ZNF609: variants seen among roughly 807,000 people sequenced by gnomAD.
ZNF609 encodes the protein zinc finger protein 609.
Under a neutral mutation model 109.5 loss-of-function variants are expected in ZNF609, and 11 were observed. The ratio of observed to expected loss-of-function variants is 0.10; its 90% CI spans 0.06 to 0.17. The LOEUF is 0.17. Ranked by LOEUF, ZNF609 falls within the 10% of genes least tolerant of loss-of-function variation. The probability of loss-of-function intolerance (pLI) is 1.00; values close to 1 mark genes in which losing one functional copy is unlikely to be tolerated. For missense variants in ZNF609, 1,559 were observed against 1,772.4 expected (o/e 0.88, Z 2.16); for synonymous variants, 646 against 662.0 (o/e 0.98, Z 0.37).
chr15:64,518,424 A>G (rs932961196), intron 2 of ZNF609, among the ~76,000 whole-genome samples: 2 of 152,246 alleles, frequency 1.3e-5, no homozygotes, highest in African/African-American at 4.8e-5. Flanking sequence ...GAGGAGGAAT[A>G]GAATGGTAAG....
At chr15:64,513,166 A>G (rs775291752) in intron 2 of ZNF609, among the ~76,000 whole-genome samples, 10 of 152,118 alleles carry the variant, frequency 6.6e-5, no homozygotes, top group African/African-American at 2.4e-4. Flanking sequence ...GAGTATCTCA[A>G]ATTCATATAC....
chr15:64,676,222 A>C lies in ZNF609; in HGVS notation c.3368A>C (p.Gln1123Pro), dbSNP rs767462730. The change falls in exon 5 of 10, where the codon CAG (glutamine) becomes CCG (proline). Residue 1123 changes from glutamine to proline, a missense_variant. Around this residue, in one of 4 missense-constraint regions of ZNF609, gnomAD observed 1,204 missense variants for 1,314.1 expected, o/e 0.92. Transcript: ENST00000326648. ...EAKTGAECGRQAEMDPILWYR... is the reference protein window; with the variant it reads ...EAKTGAECGRPAEMDPILWYR... Reference sequence around the variant, plus strand: ...AAGACAGGTGCTGAGTGTGGTCGACAGGCAGAGATGGATCCAATACTCTGG... The same window carrying C: ...AAGACAGGTGCTGAGTGTGGTCGACCGGCAGAGATGGATCCAATACTCTGG... The C allele has an allele frequency of 6.2e-7, 1 of 1,613,414 alleles. No homozygotes were observed. Among genetic ancestry groups the C allele is most frequent in the South Asian group, 1.1e-5 (1 of 91,020 alleles).
At chr15:64,511,342 G>A (rs1014602384) in intron 2 of ZNF609, among the ~76,000 whole-genome samples, 3 of 151,940 alleles carry the variant, frequency 2.0e-5, no homozygotes, top group African/African-American at 7.2e-5. Flanking sequence ...GCATGGTGGC[G>A]TGGTGGAGTG....
chr15:64,508,683 A>C (rs1893670514), intron 2 of ZNF609, among the ~76,000 whole-genome samples: 4 of 149,130 alleles, frequency 2.7e-5, no homozygotes, highest in Admixed American at 2.0e-4. Flanking sequence ...AGACCCAGAA[A>C]ATTTTTTTTT....
At chr15:64,507,193 C>T (rs1893650114) in intron 2 of ZNF609, among the ~76,000 whole-genome samples, 1 of 152,200 alleles carries the variant, frequency 6.6e-6, no homozygotes, top group Admixed American at 6.5e-5. Context: ...TATGCAATCT[C>T]ACGGACACTG....
At chr15:64,568,975 A>C (rs1481652974) in intron 2 of ZNF609, among the ~76,000 whole-genome samples, 2 of 152,082 alleles carry the variant, frequency 1.3e-5, no homozygotes, top group Non-Finnish European at 1.5e-5. Context: ...CACTCTTACT[A>C]CCTCTGTACT....
chr15:64,625,918 T>A (rs1262865038), intron 3 of ZNF609, among the ~76,000 whole-genome samples: 8 of 77,846 alleles, frequency 1.0e-4, no homozygotes, highest in South Asian at 4.7e-4. Context: ...AAAAAAAATA[T>A]ATATATATAT....
At chr15:64,569,244 TTAGA>T (rs1368129288) in intron 2 of ZNF609, among the ~76,000 whole-genome samples, 1 of 152,202 alleles carries the variant, frequency 6.6e-6, no homozygotes, top group Non-Finnish European at 1.5e-5. Context: ...TTTATTCCTC[TTAGA>T]TAGTTTCTTG....
intron 2 of ZNF609, among the ~76,000 whole-genome samples, chr15:64,582,748 TC>T (rs1284486453): frequency 1.9e-5 from 1 of 53,114 alleles, no homozygotes; most frequent in Non-Finnish European, 4.1e-5. Flanking sequence ...TGAGACAGAG[TC>T]TTTTTTTTTT....
chr15:64,575,467 C>G (rs981551498), intron 2 of ZNF609, among the ~76,000 whole-genome samples: 2 of 151,732 alleles, frequency 1.3e-5, no homozygotes, highest in African/African-American at 2.4e-5. Context: ...TATCTATAAT[C>G]AGTAGGATTT....
intron 2 of ZNF609, among the ~76,000 whole-genome samples, chr15:64,511,746 G>A (rs1294626995): frequency 2.1e-5 from 3 of 142,986 alleles, no homozygotes; most frequent in Admixed American, 7.2e-5. Context: ...ACTGAGTCTC[G>A]CTCTGTCGCC....
At chr15:64,627,663 C>CT (rs35293725) in intron 3 of ZNF609, among the ~76,000 whole-genome samples, 4,765 of 85,954 alleles carry the variant, frequency 0.055, 445 homozygotes, top group African/African-American at 0.15. Flanking sequence ...TTTTTTCTTT[C>CT]TTTTTTTTTT....
intron 4 of ZNF609, among the ~76,000 whole-genome samples, chr15:64,671,551 C>T (rs1161833806): frequency 6.6e-6 from 1 of 152,134 alleles, no homozygotes; most frequent in South Asian, 2.1e-4. Context: ...CTAGAACATA[C>T]GGGTTTCACA....
chr15:64,471,390 G>A (rs572446089), intron 1 of ZNF609: 1 of 151,848 alleles, frequency 6.6e-6, no homozygotes, highest in South Asian at 2.1e-4. Flanking sequence ...TATTGGTCTG[G>A]AGTAGAAAAA....
rs1362383705 is a variant in ZNF609, at chr15:64,675,335, G to A, written c.2481G>A (p.Val827=). The A allele has an allele frequency of 1.9e-6, 3 of 1,613,756 alleles. No homozygotes were observed. In the Admixed American group the frequency reaches 5.0e-5, roughly 27 times the overall value. The change falls in exon 5 of 10, where the codon GTG becomes GTA. Residue 827 remains valine, a synonymous_variant. Coordinates refer to ENST00000326648, the MANE Select transcript of ZNF609 (RefSeq NM_015042.2). ...CTCAGCCCCTGACTCCCTTACATGT[G>A]GTGACCCAGAATGGAGCTGAAGCCA... is the stretch of plus-strand genomic sequence containing the variant. ...TPTQPLTPLH[V]VTQNGAEASS...
chr15:64,605,715 A>ATT (rs145790226), intron 2 of ZNF609, among the ~76,000 whole-genome samples: 1 of 147,740 alleles, frequency 6.8e-6, no homozygotes, highest in African/African-American at 2.5e-5. Flanking sequence ...TAGAGCTGAG[A>ATT]TTTTTTTTTC....
chr15:64,680,216 C>G lies in ZNF609; in HGVS notation c.3801C>G (p.Ser1267=), dbSNP rs1296511984. The change falls in exon 7 of 10, where the codon TCC becomes TCG. Residue 1267 remains serine (S), a synonymous_variant. Transcript: ENST00000326648. ...ACCTGCCTTCCAGCTACTCTTTTTC[C>G]CCATATGGCAGCAAGGTCTCAGGTG... ...GSYLPSSYSF[S]PYGSKVSGGE... is the part of the protein sequence containing the mutation. 2 of 1,614,118 alleles carry G rather than the reference C, an allele frequency of 1.2e-6. No homozygotes were observed. The highest frequency in any genetic ancestry group is 1.7e-6 in the Non-Finnish European group (2 of 1,180,014).
chr15:64,543,179 A>G (rs1025918372), intron 2 of ZNF609, among the ~76,000 whole-genome samples: 5 of 151,866 alleles, frequency 3.3e-5, no homozygotes, highest in Admixed American at 1.3e-4. Context: ...TTAAAAATAA[A>G]TTTAAAAATT....
At chr15:64,560,660 T>C (rs1894661249) in intron 2 of ZNF609, among the ~76,000 whole-genome samples, 2 of 152,160 alleles carry the variant, frequency 1.3e-5, no homozygotes, top group South Asian at 4.2e-4. Flanking sequence ...GATTTTGAAG[T>C]GGGATGCTTG....
Sources: allele counts gnomAD v4.1 joint callset (sites outside exome capture counted in the v4.1 genomes callset), GRCh38; gene constraint gnomAD v4.1.1; regional missense constraint gnomAD v4.1.1; transcripts MANE v1.5; gene names NCBI Gene and HGNC (gene_info 2026-07-23, HGNC 2026-07-21).